The following ODAD2 variants were observed in gnomAD, a reference collection of about 807,000 sequenced individuals.
ODAD2 encodes the protein outer dynein arm-docking complex subunit 2.
Under a neutral mutation model 106.8 loss-of-function variants are expected in ODAD2, and 89 were observed. The observed-to-expected ratio is 0.83, with a 90% CI of 0.70 to 0.99. ODAD2 has a LOEUF of 0.99. Ranked by LOEUF, ODAD2 falls within the 50% of genes least tolerant of loss-of-function variation. ODAD2 has a pLI of 0.00. For missense variants in ODAD2, 1,168 were observed against 1,238.5 expected, an observed-to-expected ratio of 0.94 and a Z score of 0.85; for synonymous variants, 404 against 436.2, an observed-to-expected ratio of 0.93 and a Z score of 0.92.
At chr10:27,841,333 G>A (rs551539403) in intron 19 of ODAD2, among the ~76,000 whole-genome samples, 80 of 152,148 alleles carry the variant, frequency 5.3e-4, no homozygotes, top group Non-Finnish European at 8.8e-4. Context: ...TTTCTCATGC[G>A]CTTACAGCTC....
intron 19 of ODAD2, chr10:27,835,904 T>G (rs1837838766): frequency 6.9e-6 from 1 of 145,658 alleles, no homozygotes. Context: ...CCAGCCTGGG[T>G]GACAAGAGTG....
chr10:27,910,375 G>A (rs764163028), intron 16 of ODAD2, among the ~76,000 whole-genome samples: 2 of 152,104 alleles, frequency 1.3e-5, no homozygotes, highest in Non-Finnish European at 2.9e-5. Context: ...TCCAGAGCTC[G>A]GTATTTAAAT....
intron 19 of ODAD2, among the ~76,000 whole-genome samples, chr10:27,819,761 T>C (rs997232501): frequency 1.3e-5 from 2 of 150,896 alleles, no homozygotes; most frequent in African/African-American, 2.4e-5. Flanking sequence ...CCCTTGACTA[T>C]GGTTTGATAG....
chr10:27,884,718 A>G (rs1455835619), intron 17 of ODAD2, among the ~76,000 whole-genome samples: 3 of 152,182 alleles, frequency 2.0e-5, no homozygotes, highest in Non-Finnish European at 4.4e-5. Context: ...GCAAGAGATT[A>G]CAGGCACAGA....
intron 10 of ODAD2, among the ~76,000 whole-genome samples, chr10:27,949,863 T>C (rs1166214802): frequency 1.3e-5 from 2 of 152,026 alleles, no homozygotes; most frequent in Non-Finnish European, 2.9e-5. Flanking sequence ...AAAGAAACGT[T>C]TGAAAGGTTT....
chr10:27,851,297 G>A (rs1183930172), intron 19 of ODAD2, among the ~76,000 whole-genome samples: 1 of 151,958 alleles, frequency 6.6e-6, no homozygotes, highest in East Asian at 1.9e-4. Flanking sequence ...GAACTGAAAG[G>A]ATCAAATTGT....
chr10:27,826,997 C>A (rs1216134599), intron 19 of ODAD2, among the ~76,000 whole-genome samples: 2 of 152,092 alleles, frequency 1.3e-5, no homozygotes, highest in African/African-American at 2.4e-5. Context: ...TATTCAAGGC[C>A]ATTCGTAATC....
intron 13 of ODAD2, among the ~76,000 whole-genome samples, chr10:27,940,350 A>T (rs1156898314): frequency 6.6e-6 from 1 of 152,042 alleles, no homozygotes; most frequent in East Asian, 1.9e-4. Context: ...ATGTCAGTAT[A>T]TATGTGTGAG....
At chr10:27,886,700 G>A (rs1027735562) in intron 17 of ODAD2, among the ~76,000 whole-genome samples, 1 of 152,012 alleles carries the variant, frequency 6.6e-6, no homozygotes, top group African/African-American at 2.4e-5. Flanking sequence ...GCATGTCAAT[G>A]AGTATGCAAT....
Position 27,885,696 on chromosome 10 carries a change from A to AAATATATATAATATAT in ODAD2, c.2610+21966_2610+21967insATATATTATATATATT, listed in dbSNP as rs1491556365. On this transcript the variant is annotated intron_variant, in intron 17 of 19. Transcript: ENST00000305242. ...AAATATATATAATATATAATATATA[A>AAATATATATAATATAT]TATATATAAAATATATATTATATAT... Among the ~76,000 whole-genome samples the AAATATATATAATATAT allele has an allele frequency of 6.7e-4, 30 of 44,466 alleles. 3 individuals carry two copies. The highest frequency in any genetic ancestry group is 9.2e-4 in the Non-Finnish European group (24 of 26,212). The allele number at this position is 44,466 out of a possible 152,430, so 29.2% of individuals were successfully genotyped here.
intron 10 of ODAD2, among the ~76,000 whole-genome samples, chr10:27,951,050 A>C (rs1847296664): frequency 6.6e-6 from 1 of 152,176 alleles, no homozygotes; most frequent in Admixed American, 6.5e-5. Flanking sequence ...TCTATGACTA[A>C]ATCTCATAGG....
chr10:27,875,345 T>C (rs7902721), intron 17 of ODAD2, among the ~76,000 whole-genome samples: 143 of 152,314 alleles, frequency 9.4e-4, no homozygotes, highest in African/African-American at 3.3e-3. Context: ...GAAGCCTTCT[T>C]CTCTCAACTC....
At chr10:27,961,927 A>G (rs1053402579) in intron 9 of ODAD2, among the ~76,000 whole-genome samples, 2 of 152,116 alleles carry the variant, frequency 1.3e-5, no homozygotes, top group African/African-American at 4.8e-5. Context: ...TTAGCCAGAC[A>G]TGGTGGTGCA....
Position 27,987,505 on chromosome 10 carries a change from C to A in ODAD2, c.263G>T (p.Gly88Val), listed in dbSNP as rs1201209784. The A allele has an allele frequency of 6.2e-7, 1 of 1,612,044 alleles. No homozygotes were observed. The highest frequency in any genetic ancestry group is 8.5e-7 in the Non-Finnish European group (1 of 1,179,300). Residue 88 changes from glycine (G) to valine (V), a missense_variant, in exon 3 of 20, where the codon GGA (glycine) becomes GTA (valine). This residue lies in a region of ODAD2 where 430 missense variants were observed against 452.2 expected (regional missense o/e 0.95). Transcript: ENST00000305242. ...TVKSEEVDKN[G>V]QPLLFLSVPQ... Reference sequence around the variant, plus strand: ...TACAGAGAGAAATAGCAAAGGCTGTCCATTTTTATCAACTTCTTCTGATTT... The same window carrying A: ...TACAGAGAGAAATAGCAAAGGCTGTACATTTTTATCAACTTCTTCTGATTT...
intron 17 of ODAD2, among the ~76,000 whole-genome samples, chr10:27,885,527 A>T (rs367950514): frequency 0.024 from 455 of 19,014 alleles, 23 homozygotes; most frequent in Admixed American, 0.048. Flanking sequence ...AAAAAAAAAA[A>T]AAAAAAATAT....
chr10:27,885,577 T>TAA (rs1422826486), intron 17 of ODAD2, among the ~76,000 whole-genome samples: 1 of 37,156 alleles, frequency 2.7e-5, no homozygotes, highest in Non-Finnish European at 5.0e-5. Flanking sequence ...TATATATATA[T>TAA]AAATATATAA....
intron 17 of ODAD2, among the ~76,000 whole-genome samples, chr10:27,878,936 A>G (rs1329950636): frequency 2.6e-5 from 4 of 152,184 alleles, no homozygotes; most frequent in Non-Finnish European, 4.4e-5. Flanking sequence ...TAGAATATCA[A>G]TTATTACCCT....
rs569697850 is a variant in ODAD2 at position 27,969,203 on chromosome 10, A to G, written c.1143-185T>C. ...TCTTTCACTCTTTCAGCACAGCCCT[A>G]TGTTTTACATATTGAAGAAACTTTC... On this transcript the variant is annotated intron_variant, in intron 8 of 19. Transcript: ENST00000305242. Among the ~76,000 whole-genome samples the G allele has an allele frequency of 4.6e-5, 7 of 152,086 alleles. No individual in the cohort carries two copies. The South Asian group carries it at 6.2e-4, about 14-fold the overall frequency.
intron 2 of ODAD2, among the ~76,000 whole-genome samples, chr10:27,994,068 C>T (rs1464282296): frequency 6.7e-6 from 1 of 149,898 alleles, no homozygotes; most frequent in Non-Finnish European, 1.5e-5. Flanking sequence ...CATTCTTATA[C>T]AATTATATTT....
Sources: gnomAD v4.1 joint callset for allele counts (sites outside exome capture counted in the v4.1 genomes callset) on GRCh38, gnomAD v4.1.1 for gene constraint, gnomAD v4.1.1 regional missense constraint, MANE v1.5 for transcripts, NCBI Gene and HGNC (gene_info 2026-07-23, HGNC 2026-07-21) for gene names.